Variants in GPR160 observed in about 807,000 individuals in gnomAD.
GPR160 encodes the protein probable G protein-coupled receptor 160.
Under a neutral mutation model 2.6 loss-of-function variants are expected in GPR160, and 2 were observed. That is an observed-to-expected ratio of 0.77 (90% CI 0.32 to 2.44). The LOEUF (loss-of-function observed/expected upper bound fraction) is 2.44. Ranked by LOEUF, GPR160 falls within the 30% of genes most tolerant of loss-of-function variation. The probability of loss-of-function intolerance (pLI) is 0.11; values close to 1 mark genes in which losing one functional copy is unlikely to be tolerated. For synonymous variants in GPR160, 130 were observed against 132.2 expected (o/e 0.98, Z 0.12); for missense variants, 351 against 383.6 (o/e 0.91, Z 0.71).
chr3:170,073,328 G>T (rs1280556049), intron 2 of GPR160, among the ~76,000 whole-genome samples: 2 of 152,062 alleles, frequency 1.3e-5, no homozygotes, highest in Non-Finnish European at 2.9e-5. Context: ...TTAGTCATAT[G>T]ATCCTTTTTT....
At chr3:170,078,153 A>G (rs182822913) in intron 2 of GPR160, among the ~76,000 whole-genome samples, 16 of 152,316 alleles carry the variant, frequency 1.1e-4, no homozygotes, top group East Asian at 3.9e-4. Flanking sequence ...TTCCCAGAAG[A>G]AGGCACGTTA....
intron 2 of GPR160, chr3:170,062,555 G>A: frequency 1.3e-6 from 1 of 742,096 alleles, no homozygotes; most frequent in Non-Finnish European, 2.4e-6. Context: ...GATCAAAGAC[G>A]CCAGGAGAGG....
At chr3:170,042,814 A>C (rs2108306988) in intron 2 of GPR160, among the ~76,000 whole-genome samples, 1 of 147,988 alleles carries the variant, frequency 6.8e-6, no homozygotes, top group Non-Finnish European at 1.5e-5. Flanking sequence ...ACGATAGGGC[A>C]AGACTCTCTC....
chr3:170,045,408 CAAAAAAAAAAAAAAAAAAAA>C (rs368019452), intron 2 of GPR160, among the ~76,000 whole-genome samples: 34 of 33,656 alleles, frequency 1.0e-3, no homozygotes, highest in East Asian at 2.6e-3. Context: ...ACTAAAAATA[CAAAAAAAAAAAAAAAAAAAA>C]AAAAAAAAAA....
At chr3:170,083,394 A>G (rs1713237439) in intron 3 of GPR160, 1 of 152,108 alleles carries the variant, frequency 6.6e-6, no homozygotes, top group Non-Finnish European at 1.5e-5. Flanking sequence ...GAGCTTCAGG[A>G]AAAGACTTAA....
intron 2 of GPR160, among the ~76,000 whole-genome samples, chr3:170,039,758 T>C (rs1313712653): frequency 1.3e-5 from 2 of 152,242 alleles, no homozygotes; most frequent in African/African-American, 4.8e-5. Flanking sequence ...CTACTGATTA[T>C]TTGATGGTAT....
rs374966072 is a variant in GPR160, at chr3:170,071,840, T to C, written c.-192-7934T>C. 7.2e-5 allele frequency among the ~76,000 whole-genome samples: 11 copies of C among 152,234 alleles called. 1 individual carries two copies. The South Asian group carries it at 2.3e-3, about 32-fold the overall frequency. ...TATAAATTAATTACCCAGCCTCAGG[T>C]ATTTCTGTATAGCAACAGAAGAATG... On this transcript the variant is annotated intron_variant, in intron 2 of 3. Coordinates refer to ENST00000355897, the MANE Select transcript of GPR160 (RefSeq NM_014373.3).
chr3:170,077,552 G>GT (rs1408650483), intron 2 of GPR160: 1 of 152,204 alleles, frequency 6.6e-6, no homozygotes, highest in East Asian at 1.9e-4. Context: ...TAGGTACAAG[G>GT]ACGTGTAGGA....
intron 2 of GPR160, among the ~76,000 whole-genome samples, chr3:170,064,018 T>G (rs1164114899): frequency 6.6e-6 from 1 of 152,148 alleles, no homozygotes; most frequent in Non-Finnish European, 1.5e-5. Flanking sequence ...AACGCTGAAT[T>G]TATTAAAAAA....
At chr3:170,055,791 C>T (rs1226474224) in intron 2 of GPR160, among the ~76,000 whole-genome samples, 4 of 152,120 alleles carry the variant, frequency 2.6e-5, no homozygotes, top group African/African-American at 4.8e-5. Context: ...TCTGCCACAA[C>T]GCCTGTCTAA....
intron 2 of GPR160, among the ~76,000 whole-genome samples, chr3:170,043,308 C>T (rs995126124): frequency 6.6e-6 from 1 of 152,012 alleles, no homozygotes; most frequent in Non-Finnish European, 1.5e-5. Flanking sequence ...CAGCCTTCCA[C>T]GTAGCTGGGA....
intron 2 of GPR160, chr3:170,062,900 C>A (rs1054792086): frequency 2.7e-6 from 1 of 373,454 alleles, no homozygotes; most frequent in African/African-American, 2.1e-5. Context: ...GGAGCTCTCC[C>A]GGGGCGCCTT....
chr3:170,060,677 G>A (rs1402324172), intron 2 of GPR160, among the ~76,000 whole-genome samples: 1 of 152,104 alleles, frequency 6.6e-6, no homozygotes, highest in Non-Finnish European at 1.5e-5. Flanking sequence ...AGGCTGCGGT[G>A]GGAAGATCAC....
intron 3 of GPR160, among the ~76,000 whole-genome samples, chr3:170,082,466 T>C (rs1713180604): frequency 6.6e-6 from 1 of 152,188 alleles, no homozygotes; most frequent in South Asian, 2.1e-4. Flanking sequence ...AATCCAAAAC[T>C]TTCTGAGCAC....
chr3:170,044,359 A>G (rs1474753030), intron 2 of GPR160, among the ~76,000 whole-genome samples: 1 of 151,418 alleles, frequency 6.6e-6, no homozygotes, highest in African/African-American at 2.4e-5. Context: ...AAAATGGGAA[A>G]GAGCATATTC....
At chr3:170,068,347 G>C (rs1040846672) in intron 2 of GPR160, among the ~76,000 whole-genome samples, 1 of 152,014 alleles carries the variant, frequency 6.6e-6, no homozygotes, top group Non-Finnish European at 1.5e-5. Context: ...TAGAGATTGG[G>C]TTTTTCCATG....
chr3:170,073,829 A>G (rs1466681020), intron 2 of GPR160, among the ~76,000 whole-genome samples: 3 of 145,872 alleles, frequency 2.1e-5, no homozygotes, highest in African/African-American at 5.1e-5. Flanking sequence ...ATCTGAGCCT[A>G]TATTTTCTTT....
intron 2 of GPR160, among the ~76,000 whole-genome samples, chr3:170,043,049 T>A (rs1716532989): frequency 6.6e-6 from 1 of 151,612 alleles, no homozygotes; most frequent in Admixed American, 6.6e-5. Context: ...GCCCAGCTAA[T>A]TTTTTATATT....
intron 2 of GPR160, among the ~76,000 whole-genome samples, chr3:170,041,298 ATTTT>A (rs764849488): frequency 2.5e-5 from 3 of 120,868 alleles, no homozygotes; most frequent in Non-Finnish European, 1.7e-5. Flanking sequence ...GGATGTAAAG[ATTTT>A]TTTTTTTTTT....
Sources: gnomAD v4.1 joint callset for allele counts (sites outside exome capture counted in the v4.1 genomes callset) on GRCh38, gnomAD v4.1.1 for gene constraint, MANE v1.5 for transcripts, NCBI Gene and HGNC (gene_info 2026-07-23, HGNC 2026-07-21) for gene names.